Variants in C12orf54 observed in about 807,000 individuals in gnomAD.
C12orf54 encodes uncharacterized protein C12orf54.
A neutral mutation model predicts 26.4 loss-of-function variants in C12orf54; 24 were observed. That is an observed-to-expected ratio of 0.91 (90% CI 0.66 to 1.28). The LOEUF (loss-of-function observed/expected upper bound fraction) is 1.28. Among genes scored for constraint, C12orf54 ranks in the 50% most tolerant of loss-of-function variants. The pLI, the probability that C12orf54 is intolerant of heterozygous loss-of-function variation, is 0.00. For synonymous variants in C12orf54, 54 were observed against 47.0 expected (o/e 1.15, Z -0.61); for missense variants, 154 against 150.9 (o/e 1.02, Z -0.11).
the C12orf54 span, among the ~76,000 whole-genome samples, chr12:48,433,317 G>A: frequency 4.6e-5 from 7 of 152,164 alleles, no homozygotes; most frequent in African/African-American, 7.2e-5. Context: ...CATGATAGGC[G>A]ATTCTATTCA....
chr12:48,470,101 A>G, the C12orf54 span, among the ~76,000 whole-genome samples: 4 of 152,192 alleles, frequency 2.6e-5, no homozygotes, highest in Non-Finnish European at 4.4e-5. Context: ...ACCATTGATG[A>G]GCACCTAGGT....
the C12orf54 span, among the ~76,000 whole-genome samples, chr12:48,429,280 C>T: frequency 8.7e-4 from 132 of 152,238 alleles, no homozygotes; most frequent in Admixed American, 4.6e-3. Flanking sequence ...CCCACTCTCA[C>T]CACTCCTCTT....
At chr12:48,489,666 C>T (rs1565572242) in intron 5 of C12orf54, among the ~76,000 whole-genome samples, 1 of 152,020 alleles carries the variant, frequency 6.6e-6, no homozygotes, top group Non-Finnish European at 1.5e-5. Flanking sequence ...ATCTGCCAGC[C>T]TTGGCCTCCC....
Position 48,496,165 on chromosome 12 carries a change from A to T in C12orf54, c.*41-16A>T, listed in dbSNP as rs1279389040. ...AATTTCTTTTATTCCCATCCATATG[A>T]CTATGTCATCTACAGCACAGCTTCA... On this transcript the variant is annotated splice_polypyrimidine_tract_variant and intron_variant, in intron 8 of 8. Coordinates refer to ENST00000548364, the MANE Select transcript of C12orf54 (RefSeq NM_152319.4). 6.6e-6 allele frequency: 1 copy of T among 152,286 alleles called. No homozygotes were observed. The highest frequency in any genetic ancestry group is 1.5e-5 in the Non-Finnish European group (1 of 68,058). 9.4% of individuals were successfully genotyped at this position (152,286 alleles called of 1,614,324 possible). A position where few individuals can be genotyped will look rare whatever the true frequency, so the allele number is the denominator to read the frequency against.
chr12:48,490,907 A>T, intron 6 of C12orf54, 71 bp downstream of exon 6: 1 of 1,549,190 alleles, frequency 6.5e-7, no homozygotes, highest in Non-Finnish European at 8.9e-7. Flanking sequence ...GTCTCATTGT[A>T]TCCATTTGCC....
chr12:48,475,826 G>A, the C12orf54 span, among the ~76,000 whole-genome samples: 2 of 152,156 alleles, frequency 1.3e-5, no homozygotes, highest in Non-Finnish European at 2.9e-5. Flanking sequence ...CACTCTGCAG[G>A]ATATTATCCA....
chr12:48,426,299 A>G, the C12orf54 span, among the ~76,000 whole-genome samples: 2 of 152,196 alleles, frequency 1.3e-5, no homozygotes, highest in South Asian at 4.1e-4. Flanking sequence ...AATCATTTGC[A>G]TATAGCTAGC....
Position 48,494,947 on chromosome 12 carries a change from A to G in C12orf54, c.*8A>G. 2 of 1,612,006 alleles carry G rather than the reference A, an allele frequency of 1.2e-6. No homozygotes were observed. The highest frequency in any genetic ancestry group is 1.1e-5 in the South Asian group (1 of 90,936). On this transcript the variant is annotated 3_prime_UTR_variant, in exon 8 of 9. Coordinates refer to ENST00000548364, the MANE Select transcript of C12orf54 (RefSeq NM_152319.4). ...TACTACCCTGGACCCTAACTCTACA[A>G]TCAAGGAAGAAGGACATCTCTGCTT...
At chr12:48,423,989 C>G in the C12orf54 span, among the ~76,000 whole-genome samples, 2 of 151,998 alleles carry the variant, frequency 1.3e-5, no homozygotes, top group African/African-American at 4.8e-5. Flanking sequence ...ATATATATGT[C>G]CCTTTACAAG....
chr12:48,453,604 T>TACACATATA, the C12orf54 span, among the ~76,000 whole-genome samples: 4 of 53,276 alleles, frequency 7.5e-5, no homozygotes, highest in African/African-American at 3.5e-4. Flanking sequence ...TATATTCATG[T>TACACATATA]TCTGATATTC....
intron 4 of C12orf54, 60 bp from the exon 5 acceptor site, chr12:48,488,864 C>G: frequency 7.2e-7 from 1 of 1,393,986 alleles, no homozygotes; most frequent in Non-Finnish European, 1.0e-6. Context: ...ATGTGAAATC[C>G]CTCTGTAATA....
the C12orf54 span, among the ~76,000 whole-genome samples, chr12:48,424,335 G>T: frequency 6.6e-6 from 1 of 152,040 alleles, no homozygotes; most frequent in Non-Finnish European, 1.5e-5. Flanking sequence ...TCTGGTTTGG[G>T]TATCAGAGTC....
the C12orf54 span, among the ~76,000 whole-genome samples, chr12:48,450,291 C>A: frequency 6.6e-6 from 1 of 152,038 alleles, no homozygotes; most frequent in Non-Finnish European, 1.5e-5. Flanking sequence ...TTAGTGAGCA[C>A]AAAAGATACA....
chr12:48,436,548 T>TAACA, the C12orf54 span, among the ~76,000 whole-genome samples: 4 of 150,268 alleles, frequency 2.7e-5, no homozygotes, highest in Non-Finnish European at 4.5e-5. Flanking sequence ...ACAGAAATTA[T>TAACA]AACTGTCTCT....
chr12:48,451,821 G>T, the C12orf54 span, among the ~76,000 whole-genome samples: 2 of 152,154 alleles, frequency 1.3e-5, no homozygotes, highest in African/African-American at 4.8e-5. Flanking sequence ...GCAAACCACT[G>T]CTCAAAGAAA....
the C12orf54 span, among the ~76,000 whole-genome samples, chr12:48,465,212 T>C: frequency 1.3e-5 from 2 of 152,034 alleles, no homozygotes; most frequent in South Asian, 4.1e-4. Context: ...CTTAAACAAA[T>C]TTACAAGAAA....
chr12:48,477,792 A>T (rs947227599), upstream of C12orf54, among the ~76,000 whole-genome samples: 1 of 152,210 alleles, frequency 6.6e-6, no homozygotes, highest in Non-Finnish European at 1.5e-5. Flanking sequence ...GACCAGATGG[A>T]TTCACAGCCG....
At chr12:48,427,710 C>G in the C12orf54 span, among the ~76,000 whole-genome samples, 1 of 151,962 alleles carries the variant, frequency 6.6e-6, no homozygotes, top group African/African-American at 2.4e-5. Context: ...GAGATAGTAA[C>G]ACAATAATAG....
the C12orf54 span, among the ~76,000 whole-genome samples, chr12:48,444,432 G>A: frequency 6.6e-6 from 1 of 152,188 alleles, no homozygotes; most frequent in Non-Finnish European, 1.5e-5. Context: ...CCATTCACCA[G>A]CACTAGAAAC....
Sources: gnomAD v4.1 joint callset for allele counts (sites outside exome capture counted in the v4.1 genomes callset) on GRCh38, gnomAD v4.1.1 for gene constraint, MANE v1.5 for transcripts, NCBI Gene and HGNC (gene_info 2026-07-23, HGNC 2026-07-21) for gene names.